DKC1: variants seen among roughly 807,000 people sequenced by gnomAD.
The protein encoded by DKC1 is dyskerin pseudouridine synthase 1.
Under a neutral mutation model 46.7 loss-of-function variants are expected in DKC1, and 4 were observed. The ratio of observed to expected loss-of-function variants is 0.09; its 90% CI spans 0.04 to 0.20. DKC1 has a LOEUF of 0.20. DKC1 is among the 10% of genes least tolerant of loss of function. The probability of loss-of-function intolerance (pLI) is 1.00; values close to 1 mark genes in which losing one functional copy is unlikely to be tolerated. For missense variants in DKC1, 171 were observed against 404.2 expected (o/e 0.42, Z 4.95); for synonymous variants, 141 against 142.4 (o/e 0.99, Z 0.07).
intron 10 of DKC1, 29 bp downstream of exon 10, chrX:154,770,908 C>T (rs11156581): frequency 1.7e-6 from 2 of 1,203,973 alleles, no homozygotes; most frequent in Admixed American, 4.4e-5. Flanking sequence ...TTTTTAAATT[C>T]TAAATGTTTG....
rs1393814314 is a variant in DKC1 at position 154,769,365 on chromosome X, C to G, written c.915+55C>G. 15 of 1,128,400 alleles carry G rather than the reference C, an allele frequency of 1.3e-5. No individual in the cohort carries two copies. In the East Asian group the frequency reaches 4.5e-4, roughly 34 times the overall value. 93.0% of individuals were successfully genotyped at this position (1,128,400 alleles called of 1,213,427 possible). A position where few individuals can be genotyped will look rare whatever the true frequency, so the allele number is the denominator to read the frequency against. ...GAAAGAACGTACTCCAAAGATGAGG[C>G]TTGCTCTTTTTATTGTTTTCCTTGG... is the stretch of plus-strand genomic sequence containing the variant. On this transcript the variant is annotated intron_variant, in intron 9 of 14. Coordinates refer to ENST00000369550, the MANE Select transcript of DKC1 (RefSeq NM_001363.5).
intron 5 of DKC1, 53 bp downstream of exon 5, chrX:154,766,453 T>C: frequency 9.4e-7 from 1 of 1,064,771 alleles, no homozygotes; most frequent in African/African-American, 1.8e-5. Flanking sequence ...TTTCTGTATT[T>C]CCCTTCTATG....
chrX:154,767,131 T>G, intron 6 of DKC1, 70 bp downstream of exon 6: 3 of 1,177,970 alleles, frequency 2.5e-6, no homozygotes, highest in Middle Eastern at 4.7e-4. Context: ...CATCTGGAGA[T>G]GGGTTAGCTG....
chrX:154,768,817 C>G (rs2071784087), intron 8 of DKC1: 1 of 268,339 alleles, frequency 3.7e-6, no homozygotes, highest in South Asian at 4.7e-5. Flanking sequence ...AACCCCGTCT[C>G]TACTAAAAAT....
Position 154,762,918 on chromosome X carries a change from C to T in DKC1, c.-48C>T, listed in dbSNP as rs782039990. 5 of 1,167,699 alleles carry T rather than the reference C, an allele frequency of 4.3e-6. No homozygotes were observed. Among genetic ancestry groups the T allele is most frequent in the Admixed American group, 2.5e-5 (1 of 39,324 alleles). On this transcript the variant is annotated 5_prime_UTR_variant, in exon 1 of 15. Coordinates refer to ENST00000369550, the MANE Select transcript of DKC1 (RefSeq NM_001363.5). ...GACCAAGGCGGCGGGAGTCTGCGGT[C>T]GTTCCCTCGGCTGTGGACCGGGCGG... is the stretch of plus-strand genomic sequence containing the variant.
chrX:154,770,655 T>C (rs2071811998), intron 9 of DKC1, 104 bp from the exon 10 acceptor site: 1 of 1,094,539 alleles, frequency 9.1e-7, no homozygotes, highest in Admixed American at 2.2e-5. Context: ...CATCCCTGTT[T>C]CCTGGTGTCA....
In DKC1 at chrX:154,774,585, C is replaced by T; in HGVS notation, c.1156-17C>T. ...CATTGACACCATTCTAATGTTGACACCTTGATGTTCCACCAGGCAAGTCAG... is the reference window on the plus strand; with the variant it reads ...CATTGACACCATTCTAATGTTGACATCTTGATGTTCCACCAGGCAAGTCAG... On this transcript the variant is annotated splice_polypyrimidine_tract_variant and intron_variant, in intron 11 of 14. Transcript: ENST00000369550. 2.5e-6 allele frequency: 3 copies of T among 1,196,731 alleles called. No homozygotes were observed. The highest frequency in any genetic ancestry group is 2.3e-6 in the Non-Finnish European group (2 of 881,940).
intron 10 of DKC1, 26 bp downstream of exon 10, chrX:154,770,905 A>G: frequency 8.3e-7 from 1 of 1,205,131 alleles, no homozygotes; most frequent in Non-Finnish European, 1.1e-6. Context: ...TATTTTTTAA[A>G]TTCTAAATGT....
At chrX:154,775,047 G>A in intron 12 of DKC1, 148 bp from the exon 13 acceptor site, 2 of 617,048 alleles carry the variant, frequency 3.2e-6, no homozygotes, top group Non-Finnish European at 5.7e-6. Flanking sequence ...TCTAGAGGGA[G>A]TCAGTCTGCA....
Position 154,765,911 on chromosome X carries a change from T to C in DKC1, c.176T>C (p.Phe59Ser). ...TGTTGTGTCGTTGCTTTGTAGAATT[T>C]TGATAAGCTGAATGTAAGGACAACA... The part of the protein sequence containing the change: ...TSQWPLLLKN[F>S]DKLNVRTTHY... The change falls in exon 4 of 15, where the codon TTT (phenylalanine) becomes TCT (serine). Residue 59 changes from phenylalanine (F) to serine (S), a missense_variant. This residue lies in a region of DKC1 where 41 missense variants were observed against 117.3 expected (regional missense o/e 0.35). Transcript: ENST00000369550. 8.3e-7 allele frequency: 1 copy of C among 1,204,450 alleles called. No homozygotes were observed. The highest frequency in any genetic ancestry group is 1.1e-6 in the Non-Finnish European group (1 of 888,613).
chrX:154,775,286 C>G lies in DKC1; in HGVS notation c.1338+13C>G. On this transcript the variant is annotated intron_variant, in intron 13 of 14. Transcript: ENST00000369550. The stretch of plus-strand genomic sequence containing the variant: ...AAAAACTGCGAAGGTGAGTGGCATG[C>G]TGTCCTCAGTTTGGAATGTGCTTAG... 8.3e-7 allele frequency: 1 copy of G among 1,203,854 alleles called. No homozygotes were observed. Among genetic ancestry groups the G allele is most frequent in the Non-Finnish European group, 1.1e-6 (1 of 888,816 alleles).
At chrX:154,772,752 T>A (rs1557265070) in intron 10 of DKC1, among the ~76,000 whole-genome samples, 1 of 112,034 alleles carries the variant, frequency 8.9e-6, no homozygotes, top group Admixed American at 9.4e-5. Context: ...ATTCCTTAGC[T>A]CTGTGAGCAG....
chrX:154,767,763 C>G (rs2071764815), intron 7 of DKC1, among the ~76,000 whole-genome samples: 1 of 111,056 alleles, frequency 9.0e-6, no homozygotes, highest in African/African-American at 3.3e-5. Flanking sequence ...GCCAATTTTC[C>G]TCCCATCCAT....
chrX:154,771,412 G>C (rs782353159), intron 10 of DKC1, among the ~76,000 whole-genome samples: 3 of 108,080 alleles, frequency 2.8e-5, no homozygotes, highest in African/African-American at 1.0e-4. Context: ...GGCTGGTCTC[G>C]AACTTCTGAC....
At position 154,765,533 on chromosome X, in the gene DKC1, A is replaced by ATG; in HGVS notation, c.171+6_171+7dup. 8.5e-7 allele frequency: 1 copy of ATG among 1,174,760 alleles called. No homozygotes were observed. The highest frequency in any genetic ancestry group is 3.0e-5 in the East Asian group (1 of 33,751). On this transcript the variant is annotated splice_donor_region_variant and intron_variant, in intron 3 of 14. Coordinates refer to ENST00000369550, the MANE Select transcript of DKC1 (RefSeq NM_001363.5). ...CTCAGTGGCCCCTTTTGCTAAAGGTATGTGGTTAAAATCGTGCATCAGATG... is the reference window on the plus strand; with the variant it reads ...CTCAGTGGCCCCTTTTGCTAAAGGTATGTGTGGTTAAAATCGTGCATCAGATG...
chrX:154,765,123 A>T (rs1419355332), intron 2 of DKC1, 157 bp downstream of exon 2: 1 of 514,440 alleles, frequency 1.9e-6, no homozygotes, highest in Non-Finnish European at 3.4e-6. Context: ...ACACAGCCCC[A>T]GACAGTCCAA....
intron 7 of DKC1, 60 bp downstream of exon 7, chrX:154,767,442 T>C (rs1557264316): frequency 6.9e-6 from 8 of 1,166,204 alleles, no homozygotes; most frequent in Middle Eastern, 4.7e-4. Context: ...GTTCTCTTAT[T>C]AAAAGTAGAT....
rs781793051 is a variant in DKC1 at position 154,769,296 on chromosome X, A to G, written c.901A>G (p.Met301Val). ...KLLTSHKRLV[M>V]KDSAVNAICY... The stretch of plus-strand genomic sequence containing the variant: ...GTTGACATCTCATAAACGGCTGGTT[A>G]TGAAAGACAGTGCAGTAAGTTCCGG... The change falls in exon 9 of 15, where the codon ATG becomes GTG. Residue 301 changes from methionine (M) to valine (V), a missense_variant. By Grantham distance (21) the Met-to-Val change is conservative. This residue lies in a region of DKC1 where 60 missense variants were observed against 206.5 expected (regional missense o/e 0.29). Coordinates refer to ENST00000369550, the MANE Select transcript of DKC1 (RefSeq NM_001363.5). 8.3e-7 allele frequency: 1 copy of G among 1,211,966 alleles called. No individual in the cohort carries two copies. Among genetic ancestry groups the G allele is most frequent in the East Asian group, 3.0e-5 (1 of 33,878 alleles).
chrX:154,774,758 C>A, intron 12 of DKC1, 53 bp downstream of exon 12: 1 of 1,025,671 alleles, frequency 9.7e-7, no homozygotes, highest in Non-Finnish European at 1.4e-6. Flanking sequence ...ACACTTGCTG[C>A]CTTGATGCAG....
Sources: gnomAD v4.1 joint callset for allele counts (sites outside exome capture counted in the v4.1 genomes callset) on GRCh38, gnomAD v4.1.1 for gene constraint, gnomAD v4.1.1 regional missense constraint, MANE v1.5 for transcripts, NCBI Gene and HGNC (gene_info 2026-07-23, HGNC 2026-07-21) for gene names.